GALNTL6: variants seen among roughly 807,000 people sequenced by gnomAD.
The protein encoded by GALNTL6 is polypeptide N-acetylgalactosaminyltransferase like 6, also known as polypeptide N-acetylgalactosaminyltransferase-like 6.
In GALNTL6, 46 loss-of-function variants were observed where a neutral mutation model predicts 73.7. The ratio of observed to expected loss-of-function variants is 0.62; its 90% CI spans 0.49 to 0.80. The LOEUF (loss-of-function observed/expected upper bound fraction) is 0.80. Among genes scored for constraint, GALNTL6 ranks in the 30% least tolerant of loss-of-function variants. The pLI, the probability that GALNTL6 is intolerant of heterozygous loss-of-function variation, is 0.00. For synonymous variants in GALNTL6, 259 were observed against 263.7 expected (o/e 0.98, Z 0.17); for missense variants, 604 against 755.0 (o/e 0.80, Z 2.34).
intron 2 of GALNTL6, among the ~76,000 whole-genome samples, chr4:171,830,123 G>C (rs1734928232): frequency 6.6e-6 from 1 of 152,088 alleles, no homozygotes; most frequent in Non-Finnish European, 1.5e-5. Flanking sequence ...GCAGGAATTA[G>C]AGTGATGTGG....
intron 5 of GALNTL6, among the ~76,000 whole-genome samples, chr4:172,516,017 T>C (rs1734594402): frequency 6.6e-6 from 1 of 152,240 alleles, no homozygotes; most frequent in African/African-American, 2.4e-5. Context: ...TAAGTCTTCT[T>C]CACTAAGACT....
intron 5 of GALNTL6, among the ~76,000 whole-genome samples, chr4:172,481,370 A>G (rs1212809671): frequency 1.3e-5 from 2 of 152,040 alleles, no homozygotes; most frequent in African/African-American, 2.4e-5. Flanking sequence ...CACCAGCAAG[A>G]CGTATTGCAA....
chr4:172,747,786 CT>C (rs941054845), intron 5 of GALNTL6, among the ~76,000 whole-genome samples: 10 of 145,444 alleles, frequency 6.9e-5, no homozygotes, highest in Middle Eastern at 3.7e-3. Flanking sequence ...AAATGATTAA[CT>C]TTTTTTTTAA....
At chr4:171,957,843 G>T (rs1739098683) in intron 2 of GALNTL6, among the ~76,000 whole-genome samples, 2 of 152,074 alleles carry the variant, frequency 1.3e-5, no homozygotes, top group African/African-American at 4.8e-5. Context: ...TCGTGAGTAT[G>T]CTAACATATT....
chr4:171,900,860 CA>C (rs1460398959), intron 2 of GALNTL6, among the ~76,000 whole-genome samples: 1 of 149,744 alleles, frequency 6.7e-6, no homozygotes, highest in African/African-American at 2.5e-5. Flanking sequence ...ATTATAGCAT[CA>C]AAAACAGACT....
At chr4:171,936,848 C>A (rs1338732972) in intron 2 of GALNTL6, among the ~76,000 whole-genome samples, 3 of 152,048 alleles carry the variant, frequency 2.0e-5, no homozygotes, top group Non-Finnish European at 4.4e-5. Context: ...ATACGTTAAG[C>A]CTCTAATTTG....
chr4:172,518,231 T>C (rs1213466256), intron 5 of GALNTL6, among the ~76,000 whole-genome samples: 1 of 152,012 alleles, frequency 6.6e-6, no homozygotes, highest in African/African-American at 2.4e-5. Flanking sequence ...TTTCATCTAT[T>C]TTTCTTCTTA....
intron 3 of GALNTL6, among the ~76,000 whole-genome samples, chr4:172,299,276 T>C (rs1739813436): frequency 6.6e-6 from 1 of 152,174 alleles, no homozygotes; most frequent in South Asian, 2.1e-4. Context: ...TTATTAGTCT[T>C]GCTAGTGGTC....
intron 2 of GALNTL6, among the ~76,000 whole-genome samples, chr4:171,988,913 CT>C (rs1414421262): frequency 1.3e-5 from 2 of 151,864 alleles, no homozygotes; most frequent in Non-Finnish European, 1.5e-5. Flanking sequence ...GTGAAGGAGG[CT>C]TTGAACTGGG....
intron 2 of GALNTL6, among the ~76,000 whole-genome samples, chr4:172,116,214 A>C (rs969474848): frequency 7.9e-5 from 12 of 152,290 alleles, no homozygotes; most frequent in Non-Finnish European, 1.6e-4. Flanking sequence ...AAATGCTGTA[A>C]ACAAACAGCT....
At chr4:172,355,437 A>G (rs368717266) in intron 5 of GALNTL6, among the ~76,000 whole-genome samples, 16 of 152,128 alleles carry the variant, frequency 1.1e-4, no homozygotes, top group African/African-American at 3.4e-4. Flanking sequence ...ATGTGATAAA[A>G]TGAAGTGATG....
chr4:172,299,353 G>A (rs1050985203), intron 3 of GALNTL6, among the ~76,000 whole-genome samples: 57 of 152,136 alleles, frequency 3.7e-4, no homozygotes, highest in Non-Finnish European at 5.4e-4. Flanking sequence ...AGGGTTTTTT[G>A]TGTCTCTATT....
At chr4:171,917,554 G>A (rs1560840082) in intron 2 of GALNTL6, among the ~76,000 whole-genome samples, 1 of 152,042 alleles carries the variant, frequency 6.6e-6, no homozygotes, top group Non-Finnish European at 1.5e-5. Flanking sequence ...CTGTGAAACA[G>A]CTACTACTTA....
intron 8 of GALNTL6, among the ~76,000 whole-genome samples, chr4:172,895,984 C>A (rs1040108703): frequency 6.6e-5 from 10 of 152,150 alleles, no homozygotes. Context: ...TTATTTCAAT[C>A]TCTCCGTTAA....
intron 5 of GALNTL6, among the ~76,000 whole-genome samples, chr4:172,530,746 GAA>G (rs1735142227): frequency 6.6e-6 from 1 of 151,980 alleles, no homozygotes; most frequent in South Asian, 2.1e-4. Context: ...GGAAATACAA[GAA>G]ATAAAAAATA....
intron 2 of GALNTL6, among the ~76,000 whole-genome samples, chr4:171,871,593 A>G (rs1468092465): frequency 1.3e-5 from 2 of 152,172 alleles, no homozygotes; most frequent in Non-Finnish European, 2.9e-5. Flanking sequence ...TGGAATTACT[A>G]AATAGGAAGA....
chr4:172,042,085 A>C (rs1036782448), intron 2 of GALNTL6, among the ~76,000 whole-genome samples: 15 of 152,074 alleles, frequency 9.9e-5, no homozygotes, highest in African/African-American at 3.6e-4. Context: ...GTCCTCAGCC[A>C]TTCAATTAAT....
At chr4:172,714,999 A>T (rs1431189022) in intron 5 of GALNTL6, among the ~76,000 whole-genome samples, 2 of 152,172 alleles carry the variant, frequency 1.3e-5, no homozygotes, top group South Asian at 2.1e-4. Flanking sequence ...CTTCAAAAAA[A>T]AAAAGGAGGA....
At chr4:172,267,921 G>C (rs1308534870) in intron 3 of GALNTL6, among the ~76,000 whole-genome samples, 1 of 152,134 alleles carries the variant, frequency 6.6e-6, no homozygotes, top group African/African-American at 2.4e-5. Flanking sequence ...ATACAGTAGA[G>C]CAAGATGTTA....
Sources: allele counts gnomAD v4.1 joint callset (sites outside exome capture counted in the v4.1 genomes callset), GRCh38; gene constraint gnomAD v4.1.1; transcripts MANE v1.5; gene names NCBI Gene and HGNC (gene_info 2026-07-23, HGNC 2026-07-21).